The following ADAMTSL1 variants were observed in gnomAD, a reference collection of about 807,000 sequenced individuals.
The protein encoded by ADAMTSL1 is ADAMTS like 1.
A neutral mutation model predicts 201.8 loss-of-function variants in ADAMTSL1; 126 were observed. The ratio of observed to expected loss-of-function variants is 0.62; its 90% CI spans 0.54 to 0.72. The LOEUF (loss-of-function observed/expected upper bound fraction) is 0.72, where lower values mean the gene tolerates loss of function less well. Ranked by LOEUF, ADAMTSL1 falls within the 30% of genes least tolerant of loss-of-function variation. ADAMTSL1 has a pLI of 0.00. For missense variants in ADAMTSL1, 2,679 were observed against 2,277.8 expected, an observed-to-expected ratio of 1.18 and a Z score of -3.59; for synonymous variants, 1,121 against 903.4, an observed-to-expected ratio of 1.24 and a Z score of -4.32.
At chr9:18,126,438 T>C (rs769842458) in intron 1 of ADAMTSL1, among the ~76,000 whole-genome samples, 6 of 152,308 alleles carry the variant, frequency 3.9e-5, no homozygotes, top group Non-Finnish European at 8.8e-5. Flanking sequence ...TACCTTTCTA[T>C]ATGCTTTCAA....
chr9:18,050,282 T>C (rs2131664090), intron 1 of ADAMTSL1, among the ~76,000 whole-genome samples: 1 of 152,312 alleles, frequency 6.6e-6, no homozygotes, highest in East Asian at 1.9e-4. Flanking sequence ...TTTTAAATTT[T>C]CTGATAAATG....
chr9:18,413,561 AT>A (rs1818545679), intron 2 of ADAMTSL1, among the ~76,000 whole-genome samples: 1 of 152,248 alleles, frequency 6.6e-6, no homozygotes, highest in Admixed American at 6.5e-5. Flanking sequence ...CAACAAAAAA[AT>A]AATTTTAAAT....
chr9:18,223,885 T>C (rs533782258), intron 2 of ADAMTSL1, among the ~76,000 whole-genome samples: 1 of 152,236 alleles, frequency 6.6e-6, no homozygotes, highest in South Asian at 2.1e-4. Context: ...TTAACGTGTG[T>C]TCCTCCATAG....
At chr9:18,381,781 A>G (rs1245099410) in intron 2 of ADAMTSL1, among the ~76,000 whole-genome samples, 1 of 151,784 alleles carries the variant, frequency 6.6e-6, no homozygotes, top group Non-Finnish European at 1.5e-5. Context: ...TTGGAGCAGG[A>G]GAGGGGGGAT....
At chr9:18,065,719 G>C (rs971554578) in intron 1 of ADAMTSL1, among the ~76,000 whole-genome samples, 2 of 152,098 alleles carry the variant, frequency 1.3e-5, no homozygotes, top group Non-Finnish European at 2.9e-5. Flanking sequence ...GGTGGCTCAC[G>C]CCTGTAATCC....
intron 2 of ADAMTSL1, among the ~76,000 whole-genome samples, chr9:18,238,120 G>A (rs1358968767): frequency 6.6e-6 from 1 of 152,178 alleles, no homozygotes; most frequent in African/African-American, 2.4e-5. Flanking sequence ...AGAGGTCTGG[G>A]AGATGTTGAC....
At chr9:18,559,958 A>C (rs375002164) in intron 3 of ADAMTSL1, among the ~76,000 whole-genome samples, 1 of 151,856 alleles carries the variant, frequency 6.6e-6, no homozygotes, top group Non-Finnish European at 1.5e-5. Context: ...CTGCAAACAG[A>C]GACAATTTGA....
chr9:18,481,316 G>A (rs1448162349), intron 1 of ADAMTSL1, among the ~76,000 whole-genome samples: 1 of 152,058 alleles, frequency 6.6e-6, no homozygotes, highest in Non-Finnish European at 1.5e-5. Flanking sequence ...AGGCCGAGGA[G>A]GGTGGATCAC....
At chr9:18,029,213 A>G (rs1402795863) in intron 1 of ADAMTSL1, among the ~76,000 whole-genome samples, 1 of 152,122 alleles carries the variant, frequency 6.6e-6, no homozygotes, top group Non-Finnish European at 1.5e-5. Context: ...GCAAACGGAC[A>G]ATTTGACTTC....
rs139305234 is a variant in ADAMTSL1 at position 18,741,710 on chromosome 9, C to T, written c.2007-11588C>T. Among the ~76,000 whole-genome samples, 439 of 152,348 alleles carry T rather than the reference C, an allele frequency of 2.9e-3. 4 individuals are homozygous for T. The highest frequency in any genetic ancestry group is 0.01 in the African/African-American group (421 of 41,588). ...GTAGGAGTAGGGGCCTTCCTTGCCT[C>T]TTCCTATCTTCTGATGGTCTGCCAG... is the stretch of plus-strand genomic sequence containing the variant. On this transcript the variant is annotated intron_variant, in intron 15 of 28. Transcript: ENST00000380548.
At chr9:18,617,860 T>A (rs1825799191) in intron 4 of ADAMTSL1, among the ~76,000 whole-genome samples, 1 of 152,196 alleles carries the variant, frequency 6.6e-6, no homozygotes, top group African/African-American at 2.4e-5. Context: ...TGATTCTGGA[T>A]GAGGATGAGG....
intron 3 of ADAMTSL1, among the ~76,000 whole-genome samples, chr9:18,541,565 G>T (rs550597633): frequency 2.0e-3 from 303 of 151,944 alleles, no homozygotes; most frequent in Non-Finnish European, 3.6e-3. Context: ...TAATTTAAAG[G>T]ATCTATTTTT....
chr9:18,356,203 T>G (rs2133052166), intron 2 of ADAMTSL1, among the ~76,000 whole-genome samples: 1 of 152,260 alleles, frequency 6.6e-6, no homozygotes, highest in African/African-American at 2.4e-5. Flanking sequence ...GTTCTGGGGC[T>G]TTTTCTGGGC....
intron 2 of ADAMTSL1, among the ~76,000 whole-genome samples, chr9:18,171,056 C>A (rs1563782697): frequency 6.6e-6 from 1 of 152,004 alleles, no homozygotes; most frequent in Non-Finnish European, 1.5e-5. Flanking sequence ...ACAAATTAAT[C>A]CACATATCTA....
chr9:18,648,778 C>T (rs1394163086), intron 7 of ADAMTSL1, among the ~76,000 whole-genome samples: 3 of 146,812 alleles, frequency 2.0e-5, no homozygotes, highest in African/African-American at 7.3e-5. Flanking sequence ...GATGGGCTTC[C>T]CTTTGTGGGT....
intron 4 of ADAMTSL1, among the ~76,000 whole-genome samples, chr9:18,612,779 T>A (rs895599206): frequency 1.3e-5 from 2 of 152,082 alleles, no homozygotes; most frequent in African/African-American, 4.8e-5. Context: ...TGGAAGACAA[T>A]GTAGGCAATA....
intron 4 of ADAMTSL1, among the ~76,000 whole-genome samples, chr9:18,598,335 C>G (rs1471803441): frequency 6.6e-6 from 1 of 152,212 alleles, no homozygotes; most frequent in Non-Finnish European, 1.5e-5. Flanking sequence ...CAGAAACACT[C>G]AAACCTGGGT....
chr9:18,230,204 C>T (rs1301092328), intron 2 of ADAMTSL1, among the ~76,000 whole-genome samples: 1 of 152,018 alleles, frequency 6.6e-6, no homozygotes, highest in East Asian at 1.9e-4. Flanking sequence ...CTATCCATAC[C>T]CCTCTGATCT....
At chr9:17,993,483 T>A (rs771686911) in intron 1 of ADAMTSL1, among the ~76,000 whole-genome samples, 7 of 152,050 alleles carry the variant, frequency 4.6e-5, no homozygotes, top group Non-Finnish European at 1.0e-4. Context: ...CAAATAGAAA[T>A]TCTTTGGCTA....
Sources: allele counts gnomAD v4.1 joint callset (sites outside exome capture counted in the v4.1 genomes callset), GRCh38; gene constraint gnomAD v4.1.1; transcripts MANE v1.5; gene names NCBI Gene and HGNC (gene_info 2026-07-23, HGNC 2026-07-21).